The following ANKMY2 variants were observed in gnomAD, a reference collection of about 807,000 sequenced individuals.
ANKMY2 encodes the protein ankyrin repeat and MYND domain-containing protein 2.
In ANKMY2, 36 loss-of-function variants were observed where a neutral mutation model predicts 50.4. That is an observed-to-expected ratio of 0.71 (90% CI 0.55 to 0.94). The LOEUF (loss-of-function observed/expected upper bound fraction) is 0.94, where lower values mean the gene tolerates loss of function less well. ANKMY2 is among the 40% of genes least tolerant of loss of function. ANKMY2 has a pLI of 0.00. For synonymous variants in ANKMY2, 187 were observed against 178.8 expected, an observed-to-expected ratio of 1.05 and a Z score of -0.36; for missense variants, 565 against 524.0, an observed-to-expected ratio of 1.08 and a Z score of -0.76.
In ANKMY2 at chr7:16,600,072, C is replaced by CT. The variant is rs1783482532; in HGVS notation, c.*688dup. 1 of 152,016 alleles carries CT rather than the reference C, an allele frequency of 6.6e-6. No homozygotes were observed. Among genetic ancestry groups the CT allele is most frequent in the South Asian group, 2.1e-4 (1 of 4,820 alleles). 9.4% of individuals were successfully genotyped at this position (152,016 alleles called of 1,614,324 possible). A position where few individuals can be genotyped will look rare whatever the true frequency, so the allele number is the denominator to read the frequency against. ...TTGAATCAAAAGTTTCAGGAAGTAC[C>CT]TTTTTTAATGCATACGCTGAGAGAA... On this transcript the variant is annotated 3_prime_UTR_variant, in exon 10 of 10. Transcript: ENST00000306999.
chr7:16,645,109 A>G (rs980289525), intron 1 of ANKMY2, among the ~76,000 whole-genome samples: 1 of 152,100 alleles, frequency 6.6e-6, no homozygotes, highest in African/African-American at 2.4e-5. Flanking sequence ...CGGAAGTCTA[A>G]AGGGTCATTT....
chr7:16,602,812 T>G (rs1781091571), intron 8 of ANKMY2, among the ~76,000 whole-genome samples: 1 of 152,050 alleles, frequency 6.6e-6, no homozygotes, highest in African/African-American at 2.4e-5. Context: ...TCTTACAAGA[T>G]CTGGTTGTTC....
intron 7 of ANKMY2, among the ~76,000 whole-genome samples, chr7:16,605,680 T>G (rs7797784): frequency 0.02 from 1,883 of 93,744 alleles, 58 homozygotes; most frequent in East Asian, 0.078. Context: ...TGTACTTTTT[T>G]TTTTTTTTTT....
At chr7:16,619,600 C>T (rs1290607482) in intron 4 of ANKMY2, among the ~76,000 whole-genome samples, 2 of 151,854 alleles carry the variant, frequency 1.3e-5, no homozygotes, top group Non-Finnish European at 2.9e-5. Context: ...TAAAGTTTAT[C>T]TTTGTAAATA....
chr7:16,645,724 T>A lies in ANKMY2; in HGVS notation c.-151A>T. 2 of 834,104 alleles carry A rather than the reference T, an allele frequency of 2.4e-6. No individual in the cohort carries two copies. The highest frequency in any genetic ancestry group is 3.7e-5 in the Admixed American group (1 of 27,058). 51.7% of individuals were successfully genotyped at this position (834,104 alleles called of 1,614,324 possible). A position where few individuals can be genotyped will look rare whatever the true frequency, so the allele number is the denominator to read the frequency against. On this transcript the variant is annotated 5_prime_UTR_variant, in exon 1 of 10. Coordinates refer to ENST00000306999, the MANE Select transcript of ANKMY2 (RefSeq NM_020319.3). ...GGAAACGCTTCGCTTCTCTCCTCCCTCCCGCGGGCTGGCGGACAGCGGGCG... is the reference window on the plus strand; with the variant it reads ...GGAAACGCTTCGCTTCTCTCCTCCCACCCGCGGGCTGGCGGACAGCGGGCG...
At chr7:16,609,942 T>C (rs901536567) in intron 6 of ANKMY2, among the ~76,000 whole-genome samples, 177 bp from the exon 7 acceptor site, 3 of 152,210 alleles carry the variant, frequency 2.0e-5, no homozygotes, top group Admixed American at 1.3e-4. Flanking sequence ...CTAGGCCTTA[T>C]AAGGTTTTCC....
chr7:16,644,167 T>G (rs1781782786), intron 1 of ANKMY2, among the ~76,000 whole-genome samples: 2 of 152,188 alleles, frequency 1.3e-5, no homozygotes, highest in South Asian at 4.1e-4. Flanking sequence ...CATGTTTGCT[T>G]AATTGAATCC....
intron 2 of ANKMY2, among the ~76,000 whole-genome samples, chr7:16,630,987 C>T (rs962157692): frequency 1.1e-4 from 16 of 152,182 alleles, no homozygotes; most frequent in African/African-American, 3.9e-4. Context: ...TTCAGGAACA[C>T]ATAGGAAGCT....
intron 5 of ANKMY2, among the ~76,000 whole-genome samples, chr7:16,611,669 A>C (rs1053150609): frequency 3.3e-5 from 5 of 152,212 alleles, no homozygotes; most frequent in Non-Finnish European, 7.3e-5. Context: ...AAGCCAAGCT[A>C]CAAATTAAAT....
chr7:16,626,676 G>A (rs1404396), intron 3 of ANKMY2, among the ~76,000 whole-genome samples: 47,883 of 152,058 alleles, frequency 0.31, 8,643 homozygotes, highest in Non-Finnish European at 0.39. Context: ...GCAAACAGAC[G>A]GCTCTGTCAT....
chr7:16,632,464 T>C (rs1178689124), intron 2 of ANKMY2, among the ~76,000 whole-genome samples: 1 of 152,162 alleles, frequency 6.6e-6, no homozygotes, highest in African/African-American at 2.4e-5. Flanking sequence ...TTCCTATGAA[T>C]TTGCCTATTT....
chr7:16,603,538 T>G (rs532281809), intron 8 of ANKMY2: 8 of 444,662 alleles, frequency 1.8e-5, no homozygotes, highest in African/African-American at 1.6e-4. Flanking sequence ...TGAATGTTAT[T>G]AAACACTTAC....
At position 16,609,732 on chromosome 7, in the gene ANKMY2, T is replaced by G; in HGVS notation, c.780A>C (p.Pro260=). The change falls in exon 7 of 10, where the codon CCA becomes CCC. Residue 260 remains proline (P), a synonymous_variant. Coordinates refer to ENST00000306999, the MANE Select transcript of ANKMY2 (RefSeq NM_020319.3). The stretch of plus-strand genomic sequence containing the variant: ...CTCTAATGATCTTTTCTTGATACAC[T>G]GGAAAGCCATCAGAAGCTCGGCCTT... ...LLKGRASDGF[P]VYQEKIIRES... 1 of 1,610,532 alleles carries G rather than the reference T, an allele frequency of 6.2e-7. No homozygotes were observed. Among genetic ancestry groups the G allele is most frequent in the Non-Finnish European group, 8.5e-7 (1 of 1,178,978 alleles).
At chr7:16,618,769 G>A (rs1278733608) in intron 4 of ANKMY2, among the ~76,000 whole-genome samples, 1 of 152,186 alleles carries the variant, frequency 6.6e-6, no homozygotes. Flanking sequence ...ATGCAAGTGG[G>A]TTATGAACAC....
chr7:16,615,237 G>T (rs1450774448), intron 5 of ANKMY2, among the ~76,000 whole-genome samples: 6 of 152,198 alleles, frequency 3.9e-5, no homozygotes, highest in African/African-American at 1.4e-4. Context: ...AATAGATGCT[G>T]TTAGTGCCCC....
intron 2 of ANKMY2, among the ~76,000 whole-genome samples, chr7:16,627,723 C>A (rs1239463265): frequency 6.6e-6 from 1 of 152,136 alleles, no homozygotes; most frequent in Non-Finnish European, 1.5e-5. Flanking sequence ...TTTTTAAAAC[C>A]ATGATTCCCC....
chr7:16,609,517 A>C, intron 7 of ANKMY2, 113 bp downstream of exon 7: 1 of 1,230,094 alleles, frequency 8.1e-7, no homozygotes. Context: ...CTTTGTTCCT[A>C]AAAATATTCT....
At chr7:16,629,505 C>T (rs1781549339) in intron 2 of ANKMY2, among the ~76,000 whole-genome samples, 2 of 151,846 alleles carry the variant, frequency 1.3e-5, no homozygotes, top group Non-Finnish European at 2.9e-5. Context: ...CACTGCACTC[C>T]AGCCTGGGCG....
At chr7:16,604,611 A>G (rs1486570952) in intron 8 of ANKMY2, 110 bp downstream of exon 8, 3 of 1,398,140 alleles carry the variant, frequency 2.1e-6, no homozygotes, top group Non-Finnish European at 2.9e-6. Context: ...TTTCGTTACT[A>G]GAATTTATTA....
Sources: allele counts gnomAD v4.1 joint callset (sites outside exome capture counted in the v4.1 genomes callset), GRCh38; gene constraint gnomAD v4.1.1; transcripts MANE v1.5; gene names NCBI Gene and HGNC (gene_info 2026-07-23, HGNC 2026-07-21).